The following ESR1 variants were observed in gnomAD, a reference collection of about 807,000 sequenced individuals.
ESR1 encodes the protein estrogen receptor 1, also known as estrogen receptor.
Under a neutral mutation model 52.7 loss-of-function variants are expected in ESR1, and 12 were observed. That is an observed-to-expected ratio of 0.23 (90% CI 0.15 to 0.37). The LOEUF is 0.37. ESR1 is among the 10% of genes least tolerant of loss of function. The probability of loss-of-function intolerance (pLI) is 1.00; values close to 1 mark genes in which losing one functional copy is unlikely to be tolerated. For synonymous variants in ESR1, 305 were observed against 316.8 expected, an observed-to-expected ratio of 0.96 and a Z score of 0.39; for missense variants, 584 against 779.7, an observed-to-expected ratio of 0.75 and a Z score of 2.99.
intron 4 of ESR1, among the ~76,000 whole-genome samples, chr6:151,965,160 G>A (rs754482310): frequency 1.3e-5 from 2 of 151,970 alleles, no homozygotes; most frequent in African/African-American, 2.4e-5. Context: ...ACCCAGTTGC[G>A]ATCATGTATC....
At chr6:151,776,906 A>AT (rs528982674) in intron 2 of ESR1, among the ~76,000 whole-genome samples, 25 of 151,500 alleles carry the variant, frequency 1.7e-4, no homozygotes, top group South Asian at 2.1e-4. Context: ...TGGAGAAGGC[A>AT]TTTTTTTATA....
At chr6:152,048,392 C>T (rs111430310) in intron 5 of ESR1, among the ~76,000 whole-genome samples, 1,581 of 150,230 alleles carry the variant, frequency 0.011, 30 homozygotes, top group African/African-American at 0.037. Flanking sequence ...AAGTCACTCA[C>T]TCACAGAGGG....
At position 151,952,921 on chromosome 6, in the gene ESR1, C is replaced by T. The variant is rs551630989; in HGVS notation, c.1096+8413C>T. Among the ~76,000 whole-genome samples the T allele has an allele frequency of 5.3e-5, 8 of 152,322 alleles. No individual in the cohort carries two copies. In the South Asian group the frequency reaches 1.0e-3, roughly 20 times the overall value. ...TAAATAAATCATATTTTAATGTAGTCAGGGTAGCTTTCATTTAAATAAAAC... is the reference window on the plus strand; with the variant it reads ...TAAATAAATCATATTTTAATGTAGTTAGGGTAGCTTTCATTTAAATAAAAC... On this transcript the variant is annotated intron_variant, in intron 4 of 7. Transcript: ENST00000206249.
chr6:151,992,757 T>C (rs1309837912), intron 4 of ESR1, among the ~76,000 whole-genome samples: 1 of 152,000 alleles, frequency 6.6e-6, no homozygotes, highest in Non-Finnish European at 1.5e-5. Flanking sequence ...AAAAGAATGA[T>C]TTTTTTTGTG....
At chr6:151,720,977 TG>T (rs1431195413) in intron 2 of ESR1, among the ~76,000 whole-genome samples, 1 of 152,218 alleles carries the variant, frequency 6.6e-6, no homozygotes. Flanking sequence ...AAAGAGAATA[TG>T]TAAACATCAA....
At chr6:152,122,797 C>G in intron 6 of ESR1, 1 of 1,484,256 alleles carries the variant, frequency 6.7e-7, no homozygotes, top group African/African-American at 1.4e-5. Flanking sequence ...GCCTGGCGAT[C>G]AGCTGCCAGC....
At chr6:152,062,424 A>G (rs945368177) in intron 6 of ESR1, among the ~76,000 whole-genome samples, 3 of 152,234 alleles carry the variant, frequency 2.0e-5, no homozygotes, top group Admixed American at 6.5e-5. Flanking sequence ...CAACTAATAA[A>G]TGGAAATCTG....
At chr6:151,860,987 CTTTGATTGCTACATTGCCCTTTTTTGTG>C (rs1488284964) in intron 2 of ESR1, among the ~76,000 whole-genome samples, 1 of 152,114 alleles carries the variant, frequency 6.6e-6, no homozygotes, top group Non-Finnish European at 1.5e-5. Flanking sequence ...TCTTAGCAAT[CTTTGATTGCTACATTGCCCTTTTTTGTG>C]TTTTTAACTG....
chr6:152,088,670 G>A (rs1042782375), intron 6 of ESR1, among the ~76,000 whole-genome samples: 1 of 152,100 alleles, frequency 6.6e-6, no homozygotes. Context: ...GAGCCATCTC[G>A]GGACCCCGCA....
chr6:152,109,275 C>T (rs1049860109), intron 6 of ESR1, among the ~76,000 whole-genome samples: 1 of 152,160 alleles, frequency 6.6e-6, no homozygotes, highest in Admixed American at 6.5e-5. Flanking sequence ...CAAACTACAT[C>T]ATACGCCTTA....
intron 2 of ESR1, among the ~76,000 whole-genome samples, chr6:151,755,209 CA>C (rs761616025): frequency 4.4e-4 from 34 of 78,154 alleles, no homozygotes; most frequent in South Asian, 9.3e-4. Context: ...GACCCTGCCT[CA>C]AAAAAAAAAA....
chr6:152,030,121 TAC>T (rs1387656249), intron 5 of ESR1, among the ~76,000 whole-genome samples: 1 of 152,136 alleles, frequency 6.6e-6, no homozygotes, highest in Non-Finnish European at 1.5e-5. Flanking sequence ...AGGCCTGCCC[TAC>T]AAGAGCTCCT....
chr6:151,679,494 C>T (rs972087136), intron 1 of ESR1, among the ~76,000 whole-genome samples: 7 of 152,100 alleles, frequency 4.6e-5, no homozygotes, highest in East Asian at 1.9e-4. Context: ...GGACTACAGG[C>T]GCCTTCCACC....
At chr6:151,834,748 T>A (rs985236550) in intron 1 of ESR1, among the ~76,000 whole-genome samples, 5 of 151,512 alleles carry the variant, frequency 3.3e-5, no homozygotes, top group Non-Finnish European at 7.4e-5. Flanking sequence ...TGGAAAGTAA[T>A]AGGCTCGTTT....
chr6:152,116,589 A>C (rs906225847), intron 6 of ESR1, among the ~76,000 whole-genome samples: 3 of 152,232 alleles, frequency 2.0e-5, no homozygotes, highest in African/African-American at 7.2e-5. Flanking sequence ...TTTTGTAATC[A>C]AAATAATTGA....
intron 2 of ESR1, among the ~76,000 whole-genome samples, chr6:151,702,560 T>C (rs552886707): frequency 6.6e-6 from 1 of 152,312 alleles, no homozygotes; most frequent in African/African-American, 2.4e-5. Context: ...TTCAGTGACC[T>C]ACCTAAAAAT....
At chr6:151,962,242 A>T (rs1040501428) in intron 4 of ESR1, among the ~76,000 whole-genome samples, 6 of 152,174 alleles carry the variant, frequency 3.9e-5, no homozygotes, top group Non-Finnish European at 8.8e-5. Context: ...GTCCTGCCAG[A>T]GACCTGCTTT....
chr6:151,863,255 T>C (rs1789224290), intron 2 of ESR1, among the ~76,000 whole-genome samples: 2 of 152,190 alleles, frequency 1.3e-5, no homozygotes, highest in Admixed American at 6.5e-5. Context: ...TTTCACGATA[T>C]TGATTCTTCC....
chr6:151,670,975 C>T (rs978018786), intron 1 of ESR1, among the ~76,000 whole-genome samples: 3 of 151,924 alleles, frequency 2.0e-5, no homozygotes, highest in Admixed American at 1.3e-4. Flanking sequence ...ACCGTGTTGA[C>T]CAGGCTGGTC....
Sources: gnomAD v4.1 joint callset for allele counts (sites outside exome capture counted in the v4.1 genomes callset) on GRCh38, gnomAD v4.1.1 for gene constraint, MANE v1.5 for transcripts, NCBI Gene and HGNC (gene_info 2026-07-23, HGNC 2026-07-21) for gene names.